Variants in TRAPPC12 observed in about 807,000 individuals in gnomAD.
TRAPPC12 encodes TPR repeat protein 15.
In TRAPPC12, 61 loss-of-function variants were observed where a neutral mutation model predicts 69.2. That is an observed-to-expected ratio of 0.88 (90% CI 0.72 to 1.09). TRAPPC12 has a LOEUF of 1.09. Ranked by LOEUF, TRAPPC12 falls within the 50% of genes least tolerant of loss-of-function variation. The pLI, the probability that TRAPPC12 is intolerant of heterozygous loss-of-function variation, is 0.00. For synonymous variants in TRAPPC12, 469 were observed against 438.9 expected (o/e 1.07, Z -0.86); for missense variants, 1,101 against 1,016.4 (o/e 1.08, Z -1.13).
At position 3,445,754 on chromosome 2, in the gene TRAPPC12, C is replaced by T. The variant is rs1664473830; in HGVS notation, c.1530+1863C>T. On this transcript the variant is annotated intron_variant, in intron 6 of 11. Transcript: ENST00000324266. ...CACTTGCCTGGCTTCATCACTATAA[C>T]ATGTCCCGTTTGAAGACAGAAGGAC... is the stretch of plus-strand genomic sequence containing the variant. Among the ~76,000 whole-genome samples the T allele has an allele frequency of 2.0e-5, 3 of 152,254 alleles. No homozygotes were observed. In the South Asian group the frequency reaches 6.2e-4, roughly 31 times the overall value.
At chr2:3,446,115 T>G (rs1321284936) in intron 6 of TRAPPC12, among the ~76,000 whole-genome samples, 1 of 152,242 alleles carries the variant, frequency 6.6e-6, no homozygotes, top group African/African-American at 2.4e-5. Context: ...CTCATGCTTC[T>G]CGTTCCCTCC....
At chr2:3,428,591 T>A (rs60224225) in intron 5 of TRAPPC12, among the ~76,000 whole-genome samples, 4 of 152,128 alleles carry the variant, frequency 2.6e-5, no homozygotes, top group South Asian at 2.1e-4. Context: ...GAAGGTTTTT[T>A]AAAAAAAATT....
intron 1 of TRAPPC12, among the ~76,000 whole-genome samples, chr2:3,383,594 A>T (rs1660330092): frequency 6.6e-6 from 1 of 151,452 alleles, no homozygotes; most frequent in African/African-American, 2.4e-5. Flanking sequence ...TTTAGTAGAG[A>T]CGGGGTTTTA....
intron 6 of TRAPPC12, among the ~76,000 whole-genome samples, chr2:3,452,567 G>A (rs1664904867): frequency 6.6e-6 from 1 of 152,210 alleles, no homozygotes; most frequent in Admixed American, 6.5e-5. Context: ...CCTGGTGGTT[G>A]TGAGCCGCAC....
chr2:3,393,266 A>G (rs1027394194), intron 2 of TRAPPC12, among the ~76,000 whole-genome samples: 7 of 151,742 alleles, frequency 4.6e-5, no homozygotes, highest in African/African-American at 1.7e-4. Flanking sequence ...AAAATGATGA[A>G]TACCACGTGA....
At chr2:3,447,485 G>A (rs1015393381) in intron 6 of TRAPPC12, among the ~76,000 whole-genome samples, 19 of 152,104 alleles carry the variant, frequency 1.2e-4, no homozygotes, top group African/African-American at 4.6e-4. Flanking sequence ...GGAGGAGGAG[G>A]GAGGCACCAG....
At chr2:3,454,186 A>G (rs578229809) in intron 6 of TRAPPC12, among the ~76,000 whole-genome samples, 2 of 152,330 alleles carry the variant, frequency 1.3e-5, no homozygotes, top group East Asian at 3.9e-4. Context: ...TGCCCCAGCC[A>G]GGAGAGTGCT....
At chr2:3,450,968 C>T (rs974233096) in intron 6 of TRAPPC12, among the ~76,000 whole-genome samples, 2 of 152,198 alleles carry the variant, frequency 1.3e-5, no homozygotes, top group Admixed American at 6.5e-5. Context: ...CTGAAGGTGT[C>T]AGTGACCCAG....
rs958880693 is a variant in TRAPPC12, at chr2:3,414,657, C to T, written c.1165-7224C>T. Among the ~76,000 whole-genome samples, 2 of 152,120 alleles carry T rather than the reference C, an allele frequency of 1.3e-5. No individual in the cohort carries two copies. The highest frequency in any genetic ancestry group is 4.8e-5 in the African/African-American group (2 of 41,434). ...CACAGAGCTGTGTGCCAGCAGTGTC[C>T]TCACAGAGCTGTCAAGCGTGTCCAT... On this transcript the variant is annotated intron_variant, in intron 3 of 11. Coordinates refer to ENST00000324266, the MANE Select transcript of TRAPPC12 (RefSeq NM_016030.6). This position sits in a 1 kb window ranked among gnomAD's most constrained non-coding sequence, Gnocchi z 4.9.
chr2:3,403,527 G>A (rs1170063993), intron 3 of TRAPPC12, among the ~76,000 whole-genome samples: 5 of 152,090 alleles, frequency 3.3e-5, no homozygotes, highest in Non-Finnish European at 7.4e-5. Flanking sequence ...CACCGCACCC[G>A]ACCAGATTTC....
chr2:3,393,034 A>G (rs1002340407), intron 2 of TRAPPC12, among the ~76,000 whole-genome samples: 3 of 152,170 alleles, frequency 2.0e-5, no homozygotes, highest in Non-Finnish European at 4.4e-5. Context: ...CACTTGAGCC[A>G]TGGTGTTCAA....
At chr2:3,383,570 C>T (rs1055326121) in intron 1 of TRAPPC12, among the ~76,000 whole-genome samples, 1 of 151,770 alleles carries the variant, frequency 6.6e-6, no homozygotes, top group African/African-American at 2.4e-5. Context: ...CCACACCTGG[C>T]TAATTTTTGT....
chr2:3,436,464 A>G (rs1663782749), intron 5 of TRAPPC12, among the ~76,000 whole-genome samples: 2 of 152,124 alleles, frequency 1.3e-5, no homozygotes, highest in African/African-American at 2.4e-5. Context: ...AGAGAGTTCT[A>G]TATACCCTCT....
Position 3,388,056 on chromosome 2 carries a change from G to A in TRAPPC12, c.433G>A (p.Ala145Thr), listed in dbSNP as rs145175293. 168 of 1,510,050 alleles carry A rather than the reference G, an allele frequency of 1.1e-4. No homozygotes were observed. The highest frequency in any genetic ancestry group is 1.4e-4 in the Non-Finnish European group (156 of 1,134,356). The allele number at this position is 1,510,050 out of a possible 1,614,324, so 93.5% of individuals were successfully genotyped here. A position where few individuals can be genotyped will look rare whatever the true frequency, so the allele number is the denominator to read the frequency against. ...AAREVPGSEA[A>T]RPEQEPPVAE... The stretch of plus-strand genomic sequence containing the variant: ...CCGCGAGGTCCCAGGCAGCGAAGCC[G>A]CGCGCCCGGAGCAGGAGCCTCCCGT... The change falls in exon 2 of 12, where the codon GCG (alanine) becomes ACG (threonine). Residue 145 changes from alanine (A) to threonine (T), a missense_variant. Physicochemically the swap from Ala to Thr is moderately conservative, Grantham distance 58. Transcript: ENST00000324266.
chr2:3,435,641 G>A (rs541227447), intron 5 of TRAPPC12, among the ~76,000 whole-genome samples: 15 of 152,318 alleles, frequency 9.8e-5, no homozygotes, highest in East Asian at 1.9e-4. Flanking sequence ...CTCCAGCAGC[G>A]CAGAGTCCAC....
intron 3 of TRAPPC12, 43 bp from the exon 4 acceptor site, chr2:3,421,838 C>T: frequency 1.3e-6 from 2 of 1,555,870 alleles, no homozygotes; most frequent in Non-Finnish European, 8.9e-7. Context: ...TTCCACCATG[C>T]CTTGCATGTG....
At chr2:3,430,659 T>C (rs137929751) in intron 5 of TRAPPC12, among the ~76,000 whole-genome samples, 268 of 152,386 alleles carry the variant, frequency 1.8e-3, no homozygotes, top group African/African-American at 5.4e-3. Flanking sequence ...ATAATTCTAG[T>C]TTAAAAATAC....
In TRAPPC12 at chr2:3,440,476, T is replaced by C. The variant is rs538589138; in HGVS notation, c.1418-3303T>C. Among the ~76,000 whole-genome samples the C allele has an allele frequency of 3.3e-5, 5 of 152,322 alleles. No homozygotes were observed. In the South Asian group the frequency reaches 1.0e-3, roughly 32 times the overall value. ...TGATAGTGTGTTTTTAATTTCAAAT[T>C]CCCATCATTTATTGCTAGTATCTAG... On this transcript the variant is annotated intron_variant, in intron 5 of 11. Coordinates refer to ENST00000324266, the MANE Select transcript of TRAPPC12 (RefSeq NM_016030.6).
chr2:3,426,440 A>T (rs549499814), intron 5 of TRAPPC12, among the ~76,000 whole-genome samples: 6 of 152,360 alleles, frequency 3.9e-5, no homozygotes, highest in Non-Finnish European at 7.3e-5. Context: ...TGGCCTGTCC[A>T]GTCCTGCTGG....
Sources: gnomAD v4.1 joint callset for allele counts (sites outside exome capture counted in the v4.1 genomes callset) on GRCh38, gnomAD v4.1.1 for gene constraint, Gnocchi (gnomAD v3.1) non-coding constraint, MANE v1.5 for transcripts, NCBI Gene and HGNC (gene_info 2026-07-23, HGNC 2026-07-21) for gene names.